KCND2: variants seen among roughly 807,000 people sequenced by gnomAD.
KCND2 encodes potassium voltage-gated channel subfamily D member 2.
In KCND2, 16 loss-of-function variants were observed where a neutral mutation model predicts 54.4. That is an observed-to-expected ratio of 0.29 (90% CI 0.20 to 0.45). The LOEUF (loss-of-function observed/expected upper bound fraction) is 0.45, where lower values mean the gene tolerates loss of function less well. Among genes scored for constraint, KCND2 ranks in the 20% least tolerant of loss-of-function variants. The probability of loss-of-function intolerance (pLI) is 1.00; values close to 1 mark genes in which losing one functional copy is unlikely to be tolerated. For missense variants in KCND2, 486 were observed against 824.2 expected (o/e 0.59, Z 5.02); for synonymous variants, 317 against 310.7 (o/e 1.02, Z -0.21).
At chr7:120,430,543 A>AGAC (rs1801773664) in intron 1 of KCND2, among the ~76,000 whole-genome samples, 1 of 152,010 alleles carries the variant, frequency 6.6e-6, no homozygotes, top group Non-Finnish European at 1.5e-5. Context: ...TGACAGAGCA[A>AGAC]GACCCTATCT....
intron 2 of KCND2, chr7:120,740,790 G>T (rs140195087): frequency 4.4e-4 from 201 of 452,164 alleles, no homozygotes; most frequent in South Asian, 7.7e-4. Context: ...CTCTGGATAG[G>T]CTTACTATGT....
intron 1 of KCND2, among the ~76,000 whole-genome samples, chr7:120,517,887 A>C (rs1038957660): frequency 1.3e-5 from 2 of 152,134 alleles, no homozygotes; most frequent in Non-Finnish European, 2.9e-5. Context: ...ACATCGTTTG[A>C]ATTTTACACT....
At chr7:120,365,482 C>T (rs566089257) in intron 1 of KCND2, among the ~76,000 whole-genome samples, 6 of 152,090 alleles carry the variant, frequency 3.9e-5, no homozygotes, top group African/African-American at 7.2e-5. Flanking sequence ...GCAAGAGCTC[C>T]GTTTTCTCTT....
intron 1 of KCND2, among the ~76,000 whole-genome samples, chr7:120,692,131 T>C (rs905489218): frequency 2.6e-5 from 4 of 152,260 alleles, no homozygotes; most frequent in East Asian, 3.9e-4. Flanking sequence ...AGGAATGTGC[T>C]GTAAAGGGAG....
At chr7:120,578,912 T>C (rs1792475020) in intron 1 of KCND2, among the ~76,000 whole-genome samples, 1 of 130,640 alleles carries the variant, frequency 7.7e-6, no homozygotes, top group East Asian at 2.0e-4. Flanking sequence ...AGCAAGACCC[T>C]GTCTCACACA....
chr7:120,371,997 G>A (rs928186176), intron 1 of KCND2, among the ~76,000 whole-genome samples: 1 of 151,812 alleles, frequency 6.6e-6, no homozygotes, highest in Non-Finnish European at 1.5e-5. Context: ...AGGACACTTA[G>A]GTTGATTGCA....
chr7:120,426,205 T>C (rs1233538151), intron 1 of KCND2, among the ~76,000 whole-genome samples: 1 of 152,134 alleles, frequency 6.6e-6, no homozygotes, highest in Non-Finnish European at 1.5e-5. Context: ...CTTAAACATA[T>C]AATATATCCT....
At chr7:120,284,274 AACACACACACACATGCACACGCACAC>A (rs1562996407) in intron 1 of KCND2, among the ~76,000 whole-genome samples, 1 of 151,572 alleles carries the variant, frequency 6.6e-6, no homozygotes, top group African/African-American at 2.4e-5. Context: ...CATGGGGGCT[AACACACACACACATGCACACGCACAC>A]ACACACACGC....
At chr7:120,288,826 T>C (rs1214507677) in intron 1 of KCND2, among the ~76,000 whole-genome samples, 1 of 152,112 alleles carries the variant, frequency 6.6e-6, no homozygotes, top group Non-Finnish European at 1.5e-5. Flanking sequence ...CATAACTTCA[T>C]GCAAACCCAA....
chr7:120,732,784 A>AT, intron 1 of KCND2, 119 bp from the exon 2 acceptor site: 2 of 740,974 alleles, frequency 2.7e-6, no homozygotes, highest in South Asian at 3.4e-5. Context: ...TTATAGTCAC[A>AT]AAGTAGAAAT....
At chr7:120,321,302 TTTA>T (rs1799890124) in intron 1 of KCND2, among the ~76,000 whole-genome samples, 1 of 152,066 alleles carries the variant, frequency 6.6e-6, no homozygotes, top group Non-Finnish European at 1.5e-5. Flanking sequence ...ATCTTTGGAT[TTTA>T]TTTTGTTTTG....
At chr7:120,626,408 T>C (rs1262746661) in intron 1 of KCND2, among the ~76,000 whole-genome samples, 1 of 152,140 alleles carries the variant, frequency 6.6e-6, no homozygotes, top group African/African-American at 2.4e-5. Flanking sequence ...TATTTTCGAG[T>C]ATGTATTTCT....
intron 1 of KCND2, among the ~76,000 whole-genome samples, chr7:120,438,696 A>G (rs1006051332): frequency 9.2e-5 from 14 of 152,174 alleles, no homozygotes; most frequent in African/African-American, 3.1e-4. Context: ...ACTTGTCATC[A>G]TAATGTCACA....
chr7:120,642,396 TA>T (rs35453111), intron 1 of KCND2, among the ~76,000 whole-genome samples: 1,699 of 99,706 alleles, frequency 0.017, 8 homozygotes, highest in Non-Finnish European at 0.02. Flanking sequence ...CCTTCTCTAC[TA>T]AAAAAAAAAA....
chr7:120,729,389 G>A (rs1792777080), intron 1 of KCND2, among the ~76,000 whole-genome samples: 1 of 152,096 alleles, frequency 6.6e-6, no homozygotes, highest in African/African-American at 2.4e-5. Flanking sequence ...GATAAAGGGA[G>A]CAGGGAGAAG....
chr7:120,467,401 C>T (rs1198002254), intron 1 of KCND2, among the ~76,000 whole-genome samples: 1 of 152,060 alleles, frequency 6.6e-6, no homozygotes, highest in Non-Finnish European at 1.5e-5. Context: ...GGTATTCACT[C>T]CATTTTATTT....
intron 1 of KCND2, among the ~76,000 whole-genome samples, chr7:120,661,128 A>G (rs1791860502): frequency 6.6e-6 from 1 of 152,210 alleles, no homozygotes; most frequent in Non-Finnish European, 1.5e-5. Flanking sequence ...ATGATGTGGA[A>G]TCAGGAAATG....
intron 1 of KCND2, among the ~76,000 whole-genome samples, chr7:120,307,187 C>A (rs1158041606): frequency 6.6e-6 from 1 of 151,686 alleles, no homozygotes; most frequent in South Asian, 2.1e-4. Context: ...AGACACAAAC[C>A]CCTTTGTTTA....
At position 120,450,904 on chromosome 7, in the gene KCND2, T is replaced by C. The variant is rs1399553796; in HGVS notation, c.1115+175157T>C. Among the ~76,000 whole-genome samples, 3 of 152,204 alleles carry C rather than the reference T, an allele frequency of 2.0e-5. No homozygotes were observed. In the East Asian group the frequency reaches 5.8e-4, roughly 29 times the overall value. The stretch of plus-strand genomic sequence containing the variant: ...AGGTGGAGCGATTACTTATTGATGA[T>C]ATTAAGGAACCTGATGTCCAATGGC... On this transcript the variant is annotated intron_variant, in intron 1 of 5. Coordinates refer to ENST00000331113, the MANE Select transcript of KCND2 (RefSeq NM_012281.3).
Sources: gnomAD v4.1 joint callset for allele counts (sites outside exome capture counted in the v4.1 genomes callset) on GRCh38, gnomAD v4.1.1 for gene constraint, MANE v1.5 for transcripts, NCBI Gene and HGNC (gene_info 2026-07-23, HGNC 2026-07-21) for gene names.